Variants in TFCP2 observed in about 807,000 individuals in gnomAD.
TFCP2 encodes transcription factor CP2, also known as alpha-globin transcription factor CP2.
A neutral mutation model predicts 73.4 loss-of-function variants in TFCP2; 33 were observed. The ratio of observed to expected loss-of-function variants is 0.45; its 90% CI spans 0.34 to 0.60. The LOEUF (loss-of-function observed/expected upper bound fraction) is 0.60, where lower values mean the gene tolerates loss of function less well. Ranked by LOEUF, TFCP2 falls within the 20% of genes least tolerant of loss-of-function variation. The pLI is 0.01. For missense variants in TFCP2, 352 were observed against 604.0 expected, an observed-to-expected ratio of 0.58 and a Z score of 4.37; for synonymous variants, 193 against 211.6, an observed-to-expected ratio of 0.91 and a Z score of 0.76.
chr12:51,144,550 C>G (rs2137020303), intron 1 of TFCP2, among the ~76,000 whole-genome samples: 1 of 152,152 alleles, frequency 6.6e-6, no homozygotes. Context: ...TTTATGACAG[C>G]TAGTATAGTT....
chr12:51,136,597 C>T (rs1360935713), intron 1 of TFCP2, among the ~76,000 whole-genome samples: 1 of 152,120 alleles, frequency 6.6e-6, no homozygotes, highest in African/African-American at 2.4e-5. Flanking sequence ...TATTCCCCTC[C>T]AGTTTCAAAG....
chr12:51,120,304 T>C (rs554500431), intron 1 of TFCP2, among the ~76,000 whole-genome samples: 1 of 151,452 alleles, frequency 6.6e-6, no homozygotes, highest in South Asian at 2.1e-4. Context: ...AATGGACTAC[T>C]CAGTGAAACA....
rs143345508 is a variant in TFCP2 at position 51,117,674 on chromosome 12, C to T, written c.348G>A (p.Val116=). The T allele has an allele frequency of 1.1e-4, 181 of 1,610,062 alleles. No individual in the cohort carries two copies. The highest frequency in any genetic ancestry group is 1.5e-4 in the Admixed American group (9 of 59,922). The change falls in exon 3 of 15, where the codon GTG becomes GTA. Residue 116 remains valine (V), a synonymous_variant. Transcript: ENST00000257915. Reference sequence around the variant, plus strand: ...AAGAATGATTTATTCGTTTTACCTTCACCAATTTGCCATTAATTTCTGGAA... The same window carrying T: ...AAGAATGATTTATTCGTTTTACCTTTACCAATTTGCCATTAATTTCTGGAA... ...GELPEINGKL[V]KSIFRVVFHD...
chr12:51,107,142 C>T, intron 7 of TFCP2, 94 bp downstream of exon 7: 2 of 1,015,138 alleles, frequency 2.0e-6, no homozygotes, highest in Admixed American at 2.3e-5. Context: ...TCCCTCAAGG[C>T]TTAGGAGAAG....
chr12:51,135,436 C>CAAA (rs5798157), intron 1 of TFCP2, among the ~76,000 whole-genome samples: 1 of 150,828 alleles, frequency 6.6e-6, no homozygotes, highest in East Asian at 1.9e-4. Context: ...CACACACACA[C>CAAA]AAAAAAAACA....
intron 6 of TFCP2, among the ~76,000 whole-genome samples, chr12:51,107,563 C>T (rs1592792769): frequency 6.6e-6 from 1 of 152,228 alleles, no homozygotes; most frequent in East Asian, 1.9e-4. Flanking sequence ...ATGGAAAGAT[C>T]TCTAAAGCAC....
Position 51,095,153 on chromosome 12 carries a change from C to T in TFCP2, c.*88G>A. ...TCAGACGAGTCAGGTTCTTGCAGAC[C>T]TTCAAATCTCCATTCATATCCCCCT... On this transcript the variant is annotated 3_prime_UTR_variant, in exon 15 of 15. Transcript: ENST00000257915. 6.9e-7 allele frequency: 1 copy of T among 1,439,876 alleles called. No homozygotes were observed. The highest frequency in any genetic ancestry group is 9.8e-7 in the Non-Finnish European group (1 of 1,021,434). 89.2% of individuals were successfully genotyped at this position (1,439,876 alleles called of 1,614,324 possible). A position where few individuals can be genotyped will look rare whatever the true frequency, so the allele number is the denominator to read the frequency against.
chr12:51,103,299 A>G (rs1207693810), intron 10 of TFCP2, among the ~76,000 whole-genome samples: 1 of 152,178 alleles, frequency 6.6e-6, no homozygotes, highest in African/African-American at 2.4e-5. Flanking sequence ...AAAGAAAAAA[A>G]AAGCTAAATA....
intron 1 of TFCP2, among the ~76,000 whole-genome samples, chr12:51,133,952 C>T (rs983728756): frequency 6.9e-6 from 1 of 144,086 alleles, no homozygotes; most frequent in African/African-American, 2.5e-5. Flanking sequence ...AAGAAAGAAA[C>T]AGTGTTAAAG....
chr12:51,162,112 T>C (rs1425760003), intron 1 of TFCP2, among the ~76,000 whole-genome samples: 1 of 151,674 alleles, frequency 6.6e-6, no homozygotes, highest in Non-Finnish European at 1.5e-5. Context: ...AGAATTGAAA[T>C]TACTTAAGCT....
intron 1 of TFCP2, among the ~76,000 whole-genome samples, chr12:51,162,457 A>AG (rs1555148184): frequency 8.7e-4 from 130 of 150,054 alleles, no homozygotes; most frequent in African/African-American, 3.2e-3. Flanking sequence ...AAAAAAAAAA[A>AG]AAAGAAAAGA....
intron 1 of TFCP2, among the ~76,000 whole-genome samples, chr12:51,131,178 A>C (rs11169714): frequency 5.3e-5 from 8 of 150,920 alleles, no homozygotes; most frequent in South Asian, 2.1e-4. Flanking sequence ...AAAAAAAAAA[A>C]CAAAAAATTA....
intron 4 of TFCP2, among the ~76,000 whole-genome samples, chr12:51,112,938 A>G (rs1028877987): frequency 2.0e-5 from 3 of 152,138 alleles, no homozygotes; most frequent in African/African-American, 7.2e-5. Flanking sequence ...AGAGTGACAA[A>G]TCTTTACTTA....
chr12:51,157,618 G>A (rs143757633), intron 1 of TFCP2, among the ~76,000 whole-genome samples: 1 of 151,476 alleles, frequency 6.6e-6, no homozygotes, highest in African/African-American at 2.4e-5. Context: ...CTGTGGAATT[G>A]AGGGTAATAT....
At position 51,158,605 on chromosome 12, in the gene TFCP2, C is replaced by T. The variant is rs568805109; in HGVS notation, c.122+13696G>A. ...CCAGGTTCATGTGATTCTCCTGCCTCGGCCTCCCGAGTAGCTGGGACTACA... is the reference window on the plus strand; with the variant it reads ...CCAGGTTCATGTGATTCTCCTGCCTTGGCCTCCCGAGTAGCTGGGACTACA... On this transcript the variant is annotated intron_variant, in intron 1 of 14. Transcript: ENST00000257915. Among the ~76,000 whole-genome samples, 535 of 151,982 alleles carry T rather than the reference C, an allele frequency of 3.5e-3. 2 individuals carry two copies. The highest frequency in any genetic ancestry group is 0.014 in the Middle Eastern group (4 of 294).
chr12:51,143,020 C>G (rs1272718657), intron 1 of TFCP2, among the ~76,000 whole-genome samples: 1 of 152,074 alleles, frequency 6.6e-6, no homozygotes, highest in African/African-American at 2.4e-5. Context: ...TTTCTTCCTA[C>G]CTCACTGGCA....
In TFCP2 at chr12:51,095,111, G is replaced by T; in HGVS notation, c.*130C>A. ...GCCAGGATTCTGCCTCCATGGCCTG[G>T]ACTCCTCCACACACAGTCAGACGAG... On this transcript the variant is annotated 3_prime_UTR_variant, in exon 15 of 15. Coordinates refer to ENST00000257915, the MANE Select transcript of TFCP2 (RefSeq NM_005653.5). 1 of 1,029,478 alleles carries T rather than the reference G, an allele frequency of 9.7e-7. No individual in the cohort carries two copies. The highest frequency in any genetic ancestry group is 1.5e-6 in the Non-Finnish European group (1 of 656,792). 63.8% of individuals were successfully genotyped at this position (1,029,478 alleles called of 1,614,324 possible). A position where few individuals can be genotyped will look rare whatever the true frequency, so the allele number is the denominator to read the frequency against.
intron 1 of TFCP2, among the ~76,000 whole-genome samples, chr12:51,121,529 G>A (rs76877743): frequency 0.14 from 20,256 of 143,498 alleles, 1,936 homozygotes; most frequent in East Asian, 0.51. Flanking sequence ...GCAGTGGCAC[G>A]ATCTCGGCTC....
At chr12:51,145,527 C>T (rs1205219455) in intron 1 of TFCP2, among the ~76,000 whole-genome samples, 2 of 143,312 alleles carry the variant, frequency 1.4e-5, no homozygotes, top group Non-Finnish European at 3.0e-5. Context: ...GATCACACCA[C>T]TCACTGCATT....
Sources: allele counts gnomAD v4.1 joint callset (sites outside exome capture counted in the v4.1 genomes callset), GRCh38; gene constraint gnomAD v4.1.1; transcripts MANE v1.5; gene names NCBI Gene and HGNC (gene_info 2026-07-23, HGNC 2026-07-21).